ABL1: variants seen among roughly 807,000 people sequenced by gnomAD.
ABL1 encodes the protein tyrosine-protein kinase ABL1.
In ABL1, 11 loss-of-function variants were observed where a neutral mutation model predicts 94.7. The ratio of observed to expected loss-of-function variants is 0.12; its 90% CI spans 0.07 to 0.19. The LOEUF (loss-of-function observed/expected upper bound fraction) is 0.19. Ranked by LOEUF, ABL1 falls within the 10% of genes least tolerant of loss-of-function variation. The probability of loss-of-function intolerance (pLI) is 1.00; values close to 1 mark genes in which losing one functional copy is unlikely to be tolerated. For missense variants in ABL1, 1,082 were observed against 1,489.4 expected (o/e 0.73, Z 4.50); for synonymous variants, 656 against 622.4 (o/e 1.05, Z -0.80).
At position 130,781,977 on chromosome 9, in the gene ABL1, T is replaced by A. The variant is rs182719732; in HGVS notation, c.136+67522T>A. ...CGTATATACATCACATTCACACATA[T>A]GCATATATGTACATATACAGCTGAA... On this transcript the variant is annotated intron_variant, in intron 1 of 10. Transcript: ENST00000372348. 2.6e-5 allele frequency among the ~76,000 whole-genome samples: 4 copies of A among 152,344 alleles called. No individual in the cohort carries two copies. In the East Asian group the frequency reaches 5.8e-4, roughly 22 times the overall value.
At chr9:130,854,696 G>C in intron 2 of ABL1, 105 bp from the exon 3 acceptor site, 1 of 1,167,864 alleles carries the variant, frequency 8.6e-7, no homozygotes, top group South Asian at 1.6e-5. Context: ...AATGAAATTG[G>C]TATTTAGGAA....
chr9:130,874,760 G>A (rs932810492), intron 6 of ABL1, 108 bp from the exon 7 acceptor site: 4 of 1,205,278 alleles, frequency 3.3e-6, no homozygotes, highest in African/African-American at 1.5e-5. Flanking sequence ...CCAGGGCATT[G>A]GACTCAATCT....
chr9:130,754,082 T>C (rs1400072115), intron 1 of ABL1, among the ~76,000 whole-genome samples: 1 of 150,824 alleles, frequency 6.6e-6, no homozygotes, highest in Non-Finnish European at 1.5e-5. Context: ...TGGCGTTGCC[T>C]ATAATCTCAG....
chr9:130,728,727 A>G (rs1831624262), intron 1 of ABL1, among the ~76,000 whole-genome samples: 1 of 150,810 alleles, frequency 6.6e-6, no homozygotes, highest in South Asian at 2.1e-4. Flanking sequence ...TTCTGCTGAG[A>G]TTCACCATGT....
At chr9:130,855,212 C>A in intron 3 of ABL1, 116 bp downstream of exon 3, 1 of 1,234,920 alleles carries the variant, frequency 8.1e-7, no homozygotes, top group Non-Finnish European at 1.1e-6. Flanking sequence ...TTTAAAGAAT[C>A]TTTCAGGTGG....
chr9:130,809,644 C>A (rs1309462851), intron 1 of ABL1, among the ~76,000 whole-genome samples: 1 of 152,142 alleles, frequency 6.6e-6, no homozygotes, highest in Non-Finnish European at 1.5e-5. Context: ...AAGTTGATGT[C>A]CCAGTTCGAA....
chr9:130,857,231 A>G (rs942157694), intron 3 of ABL1, among the ~76,000 whole-genome samples: 3 of 152,212 alleles, frequency 2.0e-5, no homozygotes, highest in Non-Finnish European at 4.4e-5. Context: ...GCCAGAACTG[A>G]CTGAAGGTTA....
rs34202152 is a variant in ABL1 at position 130,863,330 on chromosome 9, A to C, written c.822+295A>C. Among the ~76,000 whole-genome samples the C allele has an allele frequency of 1.2e-3, 183 of 152,322 alleles. 2 individuals carry two copies. The highest frequency in any genetic ancestry group is 4.3e-3 in the African/African-American group (178 of 41,578). ...TCATTTTATGGCAAGGTTCTTTTAA[A>C]GCCGTGGATTTCCATGCTGTTCGTG... On this transcript the variant is annotated intron_variant, in intron 4 of 10. Transcript: ENST00000318560. This position sits in a 1 kb window ranked among gnomAD's most constrained non-coding sequence, Gnocchi z 4.3.
rs762520958 is a variant in ABL1, at chr9:130,884,990, G to A, written c.2700G>A (p.Pro900=). 3.9e-5 allele frequency: 63 copies of A among 1,610,910 alleles called. No individual in the cohort carries two copies. The highest frequency in any genetic ancestry group is 5.2e-5 in the Non-Finnish European group (61 of 1,179,352). The change falls in exon 11 of 11, where the codon CCG becomes CCA. Residue 900 remains proline (P), a synonymous_variant. Coordinates refer to ENST00000318560, the MANE Select transcript of ABL1 (RefSeq NM_005157.6). This position sits in a 1 kb window ranked among gnomAD's most constrained non-coding sequence, Gnocchi z 5.6. Reference sequence around the variant, plus strand: ...TGTCCAGGCTCAAACCTGCCCCGCCGCCCCCACCAGCAGCCTCTGCAGGGA... The same window carrying A: ...TGTCCAGGCTCAAACCTGCCCCGCCACCCCCACCAGCAGCCTCTGCAGGGA... The part of the protein sequence containing the change: ...GKLSRLKPAP[P]PPPAASAGKA...
intron 1 of ABL1, among the ~76,000 whole-genome samples, chr9:130,824,441 A>G (rs917411930): frequency 2.6e-5 from 4 of 152,290 alleles, no homozygotes; most frequent in South Asian, 2.1e-4. Context: ...CAGTTCACCA[A>G]TTCAAATGCT....
rs747351233 is a variant in ABL1 at position 130,863,385 on chromosome 9, TAAG to T, written c.822+351_822+353del. Among the ~76,000 whole-genome samples the T allele has an allele frequency of 1.0e-3, 155 of 152,154 alleles. 2 individuals carry two copies. In the Middle Eastern group the frequency reaches 0.017, roughly 17 times the overall value. On this transcript the variant is annotated intron_variant, in intron 4 of 10. Coordinates refer to ENST00000318560, the MANE Select transcript of ABL1 (RefSeq NM_005157.6). The surrounding 1 kb of genome is among the most constrained non-coding windows in gnomAD (Gnocchi z 4.3). ...ATGGAGATCACTTCCTACCGAGAGT[TAAG>T]GAGGAAAAAAAGATCTCTGAGTTTT...
At chr9:130,836,901 G>A (rs1272856885) in intron 1 of ABL1, among the ~76,000 whole-genome samples, 1 of 151,150 alleles carries the variant, frequency 6.6e-6, no homozygotes, top group African/African-American at 2.4e-5. Context: ...CTGCTAGAAT[G>A]CCATGTTTTT....
chr9:130,812,220 A>G (rs1293770915), intron 1 of ABL1, among the ~76,000 whole-genome samples: 1 of 149,536 alleles, frequency 6.7e-6, no homozygotes, highest in African/African-American at 2.5e-5. Context: ...AAAAAAAAAA[A>G]AAATTAGCCA....
chr9:130,875,128 C>T (rs2133004164), intron 7 of ABL1, 76 bp downstream of exon 7: 1 of 1,448,580 alleles, frequency 6.9e-7, no homozygotes, highest in Non-Finnish European at 9.4e-7. Context: ...CTTGCTCTTC[C>T]CTTTCTTTTC....
chr9:130,758,157 AT>A (rs375183745), intron 1 of ABL1, among the ~76,000 whole-genome samples: 3,558 of 145,068 alleles, frequency 0.025, 43 homozygotes, highest in Non-Finnish European at 0.033. Context: ...AGTGGCTAAG[AT>A]TTTTTTTTTT....
chr9:130,854,391 G>A (rs974386630), intron 2 of ABL1, among the ~76,000 whole-genome samples, 154 bp downstream of exon 2: 2 of 152,160 alleles, frequency 1.3e-5, no homozygotes, highest in Admixed American at 6.5e-5. Flanking sequence ...TAAGGGAGTC[G>A]ACTCTCCTTA....
At chr9:130,739,878 A>G (rs1831795069) in intron 1 of ABL1, among the ~76,000 whole-genome samples, 1 of 152,192 alleles carries the variant, frequency 6.6e-6, no homozygotes, top group African/African-American at 2.4e-5. Context: ...AGACCCCAAC[A>G]TAGGGAGACC....
intron 1 of ABL1, among the ~76,000 whole-genome samples, chr9:130,829,915 A>C (rs1442424586): frequency 6.6e-6 from 1 of 152,212 alleles, no homozygotes; most frequent in East Asian, 1.9e-4. Context: ...TAATGGATAA[A>C]TCTAATGAAT....
rs142897912 is a variant in ABL1, at chr9:130,764,178, A to G, written c.136+49723A>G. Among the ~76,000 whole-genome samples the G allele has an allele frequency of 3.9e-5, 6 of 152,304 alleles. No individual in the cohort carries two copies. In the East Asian group the frequency reaches 1.2e-3, roughly 29 times the overall value. ...GGGCCAGGGTCAGAGAGGCCAGGAC[A>G]CACACATCACTGTGTCCTTGAGGGA... On this transcript the variant is annotated intron_variant, in intron 1 of 10. Transcript: ENST00000372348.
Sources: gnomAD v4.1 joint callset for allele counts (sites outside exome capture counted in the v4.1 genomes callset) on GRCh38, gnomAD v4.1.1 for gene constraint, Gnocchi (gnomAD v3.1) non-coding constraint, MANE v1.5 for transcripts, NCBI Gene and HGNC (gene_info 2026-07-23, HGNC 2026-07-21) for gene names.